ZNF385D: variants seen among roughly 807,000 people sequenced by gnomAD.
ZNF385D encodes zinc finger protein 659.
In ZNF385D, 15 loss-of-function variants were observed where a neutral mutation model predicts 35.8. The observed-to-expected ratio is 0.42, with a 90% confidence interval of 0.28 to 0.64. ZNF385D has a LOEUF of 0.64. Among genes scored for constraint, ZNF385D ranks in the 30% least tolerant of loss-of-function variants. The probability of loss-of-function intolerance (pLI) is 0.23; values close to 1 mark genes in which losing one functional copy is unlikely to be tolerated. For synonymous variants in ZNF385D, 212 were observed against 186.8 expected, an observed-to-expected ratio of 1.13 and a Z score of -1.10; for missense variants, 474 against 494.6, an observed-to-expected ratio of 0.96 and a Z score of 0.39.
chr3:22,096,322 G>C (rs572028829), intron 3 of ZNF385D, among the ~76,000 whole-genome samples: 47 of 134,592 alleles, frequency 3.5e-4, no homozygotes, highest in Non-Finnish European at 7.4e-4. Flanking sequence ...TCTAAAAGTT[G>C]AAACTATTTT....
chr3:21,658,608 T>C (rs1318414440), intron 2 of ZNF385D, among the ~76,000 whole-genome samples: 1 of 117,176 alleles, frequency 8.5e-6, no homozygotes, highest in East Asian at 2.1e-4. Flanking sequence ...TCTATTCCAC[T>C]CTATTCATTC....
In ZNF385D at chr3:21,947,993, C is replaced by A. The variant is rs570099385; in HGVS notation, c.325+220824G>T. ...TCTGATGCCACTTGAAAAACCCACT[C>A]TTTATTCATTTTAAATGCTGCCATT... On this transcript the variant is annotated intron_variant, in intron 3 of 5. Transcript: ENST00000494108. Among the ~76,000 whole-genome samples the A allele has an allele frequency of 2.6e-5, 4 of 152,188 alleles. No individual in the cohort carries two copies. In the South Asian group the frequency reaches 8.3e-4, roughly 32 times the overall value.
intron 2 of ZNF385D, among the ~76,000 whole-genome samples, chr3:22,301,741 AT>A (rs1258639581): frequency 1.3e-5 from 2 of 152,050 alleles, no homozygotes; most frequent in Admixed American, 6.6e-5. Flanking sequence ...GCCATTATGA[AT>A]TTGTGGTTTA....
intron 3 of ZNF385D, among the ~76,000 whole-genome samples, chr3:21,865,787 AATTG>A (rs1355258011): frequency 6.6e-6 from 1 of 152,130 alleles, no homozygotes; most frequent in Non-Finnish European, 1.5e-5. Context: ...AAGCACCAGT[AATTG>A]ATCTAGTTAC....
chr3:21,711,835 G>T (rs1239228810), intron 1 of ZNF385D, among the ~76,000 whole-genome samples: 3 of 152,098 alleles, frequency 2.0e-5, no homozygotes, highest in Admixed American at 2.0e-4. Context: ...AATTCCATCT[G>T]GTAACCCATT....
In ZNF385D at chr3:21,415,243, C is replaced by T. The variant is rs531566509; in HGVS notation, c.*5971G>A. The stretch of plus-strand genomic sequence containing the variant: ...GCTCTCTCTGCTAATTTTCCGTTGT[C>T]TTGTTATACCATGTCCTGCACACTA... On this transcript the variant is annotated 3_prime_UTR_variant, in exon 8 of 8. Transcript: ENST00000281523. The T allele has an allele frequency of 4.6e-5, 7 of 152,144 alleles. No homozygotes were observed. Among genetic ancestry groups the T allele is most frequent in the Admixed American group, 2.0e-4 (3 of 15,280 alleles). The allele number at this position is 152,144 out of a possible 1,614,324, so 9.4% of individuals were successfully genotyped here.
At chr3:22,059,400 G>T (rs1443644927) in intron 3 of ZNF385D, among the ~76,000 whole-genome samples, 10 of 152,180 alleles carry the variant, frequency 6.6e-5, no homozygotes, top group Admixed American at 6.5e-4. Flanking sequence ...GAGAATTGGG[G>T]TCATTCACTT....
chr3:21,434,849 G>C (rs942204951), intron 5 of ZNF385D, among the ~76,000 whole-genome samples: 1 of 152,050 alleles, frequency 6.6e-6, no homozygotes, highest in Non-Finnish European at 1.5e-5. Context: ...GAGCAGCTTA[G>C]AAAGAAGGCA....
chr3:21,455,374 G>A (rs1437094179), intron 4 of ZNF385D, among the ~76,000 whole-genome samples: 2 of 152,120 alleles, frequency 1.3e-5, no homozygotes, highest in African/African-American at 4.8e-5. Context: ...CATGGTACTG[G>A]TACCAAAACA....
At chr3:21,885,622 T>A (rs3860591) in intron 3 of ZNF385D, among the ~76,000 whole-genome samples, 3,923 of 151,376 alleles carry the variant, frequency 0.026, 109 homozygotes, top group Non-Finnish European at 0.036. Context: ...AAAAGTTTTA[T>A]ATATTTTATT....
At chr3:21,939,327 T>C (rs1621133) in intron 3 of ZNF385D, among the ~76,000 whole-genome samples, 134,572 of 152,132 alleles carry the variant, frequency 0.88, 59,609 homozygotes, top group East Asian at 0.98. Context: ...ATTATTTTCT[T>C]CATTTTAGGG....
At chr3:21,991,210 C>T (rs1576101933) in intron 3 of ZNF385D, among the ~76,000 whole-genome samples, 1 of 152,148 alleles carries the variant, frequency 6.6e-6, no homozygotes, top group Non-Finnish European at 1.5e-5. Context: ...GCAAGACACA[C>T]TGAAATGCTG....
intron 3 of ZNF385D, among the ~76,000 whole-genome samples, chr3:22,117,432 G>T (rs1057314721): frequency 6.6e-6 from 1 of 151,964 alleles, no homozygotes; most frequent in Non-Finnish European, 1.5e-5. Flanking sequence ...TTATGATTTT[G>T]AAATTAAGAA....
intron 2 of ZNF385D, among the ~76,000 whole-genome samples, chr3:22,230,445 T>C (rs1280253044): frequency 1.3e-5 from 2 of 152,114 alleles, no homozygotes; most frequent in African/African-American, 4.8e-5. Context: ...GGAGTTTTCT[T>C]AGTTCCCCGA....
intron 1 of ZNF385D, among the ~76,000 whole-genome samples, chr3:21,677,245 T>C (rs930670975): frequency 1.6e-4 from 24 of 152,034 alleles, no homozygotes; most frequent in African/African-American, 5.6e-4. Flanking sequence ...CCCTGGGCCC[T>C]GAGAATCCCA....
At chr3:21,883,378 C>A (rs1017691498) in intron 3 of ZNF385D, among the ~76,000 whole-genome samples, 1 of 151,898 alleles carries the variant, frequency 6.6e-6, no homozygotes, top group Non-Finnish European at 1.5e-5. Context: ...ATTTTTCTAA[C>A]CAGACAAATG....
At chr3:22,251,519 C>A (rs1331236129) in intron 2 of ZNF385D, among the ~76,000 whole-genome samples, 1 of 152,012 alleles carries the variant, frequency 6.6e-6, no homozygotes, top group South Asian at 2.1e-4. Context: ...CCACCTTTAC[C>A]TTAGACCAGG....
chr3:22,269,358 CA>C (rs1463791052), intron 2 of ZNF385D, among the ~76,000 whole-genome samples: 1 of 151,960 alleles, frequency 6.6e-6, no homozygotes, highest in Non-Finnish European at 1.5e-5. Context: ...ACACATCTGA[CA>C]GACTAAAGGC....
intron 3 of ZNF385D, chr3:21,961,537 C>T (rs1259378618): frequency 6.6e-6 from 1 of 152,022 alleles, no homozygotes; most frequent in Non-Finnish European, 1.5e-5. Context: ...TTCCTTAGAA[C>T]AAACTATAGT....
Sources: gnomAD v4.1 joint callset for allele counts (sites outside exome capture counted in the v4.1 genomes callset) on GRCh38, gnomAD v4.1.1 for gene constraint, MANE v1.5 for transcripts, NCBI Gene and HGNC (gene_info 2026-07-23, HGNC 2026-07-21) for gene names.